Variants in TPRA1 observed in about 807,000 individuals in gnomAD.
TPRA1 encodes the protein transmembrane protein adipocyte associated 1, also known as transmembrane protein adipocyte-associated 1.
A neutral mutation model predicts 40.1 loss-of-function variants in TPRA1; 28 were observed. The observed-to-expected ratio is 0.70, with a 90% confidence interval of 0.52 to 0.96. The LOEUF (loss-of-function observed/expected upper bound fraction) is 0.96. Among genes scored for constraint, TPRA1 ranks in the 40% least tolerant of loss-of-function variants. The pLI, the probability that TPRA1 is intolerant of heterozygous loss-of-function variation, is 0.00. For synonymous variants in TPRA1, 219 were observed against 209.7 expected, an observed-to-expected ratio of 1.04 and a Z score of -0.38; for missense variants, 441 against 482.6, an observed-to-expected ratio of 0.91 and a Z score of 0.81.
intron 1 of TPRA1, among the ~76,000 whole-genome samples, chr3:127,585,847 C>T (rs1466401898): frequency 6.6e-6 from 1 of 152,198 alleles, no homozygotes; most frequent in Non-Finnish European, 1.5e-5. Flanking sequence ...TAATTTCAGC[C>T]AATGGTCTCT....
upstream of TPRA1, among the ~76,000 whole-genome samples, chr3:127,592,486 C>T (rs1033404532): frequency 6.7e-6 from 1 of 149,248 alleles, no homozygotes; most frequent in Non-Finnish European, 1.5e-5. Context: ...CCCGGGTTCA[C>T]GCCATTCTCC....
chr3:127,581,684 G>A (rs931015873), intron 1 of TPRA1, among the ~76,000 whole-genome samples: 2 of 151,598 alleles, frequency 1.3e-5, no homozygotes, highest in African/African-American at 4.9e-5. Flanking sequence ...AGGCCGAGGC[G>A]GGCAGATTGC....
chr3:127,577,799 C>T (rs1020287435), intron 3 of TPRA1, among the ~76,000 whole-genome samples: 11 of 152,188 alleles, frequency 7.2e-5, no homozygotes, highest in African/African-American at 2.2e-4. Flanking sequence ...GGGCCTGGGA[C>T]GCAGCACTGG....
intron 1 of TPRA1, among the ~76,000 whole-genome samples, chr3:127,582,045 G>A (rs748809296): frequency 3.3e-5 from 5 of 152,186 alleles, no homozygotes; most frequent in Admixed American, 2.0e-4. Flanking sequence ...CTGCAGAAAC[G>A]CAACAGGAGC....
chr3:127,573,858 G>A, intron 10 of TPRA1, 70 bp from the exon 11 acceptor site: 1 of 1,495,940 alleles, frequency 6.7e-7, no homozygotes, highest in South Asian at 1.4e-5. Flanking sequence ...TCTCCAGGCT[G>A]ATGGGGCCAC....
intron 1 of TPRA1, among the ~76,000 whole-genome samples, chr3:127,589,765 G>A (rs561631037): frequency 8.5e-5 from 13 of 152,216 alleles, no homozygotes; most frequent in African/African-American, 2.4e-4. Flanking sequence ...TCTCTATCCC[G>A]GGAGTGCTCA....
At position 127,575,257 on chromosome 3, in the gene TPRA1, T is replaced by C; in HGVS notation, c.782A>G (p.Asp261Gly). The C allele has an allele frequency of 3.1e-6, 5 of 1,613,882 alleles. No homozygotes were observed. The highest frequency in any genetic ancestry group is 4.2e-6 in the Non-Finnish European group (5 of 1,179,872). The change falls in exon 10 of 11, where the codon GAT (aspartate) becomes GGT (glycine). Residue 261 changes from aspartate (D) to glycine (G), a missense_variant. Physicochemically the swap from Asp to Gly is moderately conservative, Grantham distance 94. Coordinates refer to ENST00000355552, the MANE Select transcript of TPRA1 (RefSeq NM_001136053.4). ...GCTGAAGTACAGGAAGGTTGTGGCA[T>C]CTACACAGCTGCGGAGAAGGCGGGT... is the stretch of plus-strand genomic sequence containing the variant. ...FDIIEGLCCV[D>G]ATTFLYFSFF...
chr3:127,575,431 G>C lies in TPRA1; in HGVS notation c.745C>G (p.Leu249Val). The change falls in exon 9 of 11, where the codon CTG becomes GTG. Residue 249 changes from leucine to valine, a missense_variant. Physicochemically the swap from Leu to Val is conservative, Grantham distance 32. Transcript: ENST00000355552. The part of the protein sequence containing the change: ...NLLQGLGSVL[L>V]CFDIIEGLCC... Reference sequence around the variant, plus strand: ...AGCCCCTCGATGATGTCGAAGCACAGCAGCACACTCCCCAGCCCCTGCAGT... The same window carrying C: ...AGCCCCTCGATGATGTCGAAGCACACCAGCACACTCCCCAGCCCCTGCAGT... The C allele has an allele frequency of 1.2e-6, 2 of 1,601,274 alleles. No homozygotes were observed. Among genetic ancestry groups the C allele is most frequent in the East Asian group, 4.5e-5 (2 of 44,464 alleles).
intron 1 of TPRA1, among the ~76,000 whole-genome samples, chr3:127,586,306 G>A (rs2073998701): frequency 6.6e-6 from 1 of 152,150 alleles, no homozygotes; most frequent in Admixed American, 6.5e-5. Context: ...TGATGAAGGA[G>A]GGAGATTCTA....
intron 1 of TPRA1, among the ~76,000 whole-genome samples, chr3:127,581,444 T>C (rs1294647812): frequency 6.6e-6 from 1 of 152,046 alleles, no homozygotes; most frequent in Non-Finnish European, 1.5e-5. Context: ...CGTGGAGAAA[T>C]GCAGACAGGG....
Position 127,572,132 on chromosome 3 carries a change from C to G in TPRA1, c.*1389G>C, listed in dbSNP as rs574881454. On this transcript the variant is annotated 3_prime_UTR_variant, in exon 11 of 11. Coordinates refer to ENST00000355552, the MANE Select transcript of TPRA1 (RefSeq NM_001136053.4). ...CACTGGCCGTACTGTTGGCCCTGTC[C>G]GCTATCAACCCTCCAGGCCCTCCCA... Among the ~76,000 whole-genome samples the G allele has an allele frequency of 6.8e-4, 104 of 152,300 alleles. No homozygotes were observed. The highest frequency in any genetic ancestry group is 2.5e-3 in the African/African-American group (104 of 41,560).
intron 1 of TPRA1, among the ~76,000 whole-genome samples, chr3:127,584,447 TAAAAAAAAAAAAAAAAA>T (rs1163065087): frequency 7.2e-3 from 150 of 20,872 alleles, no homozygotes; most frequent in African/African-American, 0.029. Flanking sequence ...AGACCCTGTC[TAAAAAAAAAAAAAAAAA>T]AAAAAAAAAA....
intron 3 of TPRA1, among the ~76,000 whole-genome samples, chr3:127,577,865 C>T (rs1209172038): frequency 6.6e-6 from 1 of 152,208 alleles, no homozygotes; most frequent in Non-Finnish European, 1.5e-5. Context: ...AGGGCATAGG[C>T]CCCAAGGGAG....
upstream of TPRA1, among the ~76,000 whole-genome samples, chr3:127,592,872 C>A (rs1311976284): frequency 6.6e-6 from 1 of 152,238 alleles, no homozygotes; most frequent in Non-Finnish European, 1.5e-5. Flanking sequence ...TGTCTTCCCA[C>A]CACGGTAGGT....
In TPRA1 at chr3:127,572,907, C is replaced by T. The variant is rs1043730955; in HGVS notation, c.*614G>A. Among the ~76,000 whole-genome samples the T allele has an allele frequency of 2.6e-5, 4 of 152,142 alleles. No individual in the cohort carries two copies. The highest frequency in any genetic ancestry group is 9.7e-5 in the African/African-American group (4 of 41,426). ...GGCAGGGGCAGCGGCAGCTGGGATC[C>T]TGTTTCTCTTCACCTCCCCAGCAGC... On this transcript the variant is annotated 3_prime_UTR_variant, in exon 11 of 11. Coordinates refer to ENST00000355552, the MANE Select transcript of TPRA1 (RefSeq NM_001136053.4).
At chr3:127,585,774 C>T (rs2073980823) in intron 1 of TPRA1, among the ~76,000 whole-genome samples, 1 of 152,160 alleles carries the variant, frequency 6.6e-6, no homozygotes, top group African/African-American at 2.4e-5. Flanking sequence ...TGTTCAGGAT[C>T]CCTCCATAAA....
intron 3 of TPRA1, among the ~76,000 whole-genome samples, chr3:127,579,476 T>C (rs2073754695): frequency 6.6e-6 from 1 of 152,162 alleles, no homozygotes; most frequent in South Asian, 2.1e-4. Context: ...ACTGGCACTA[T>C]CAGCAAACAG....
chr3:127,588,361 T>C (rs2107664328), intron 1 of TPRA1, among the ~76,000 whole-genome samples: 1 of 151,980 alleles, frequency 6.6e-6, no homozygotes, highest in Admixed American at 6.5e-5. Context: ...ATGGGGCTGC[T>C]GGCCATACCA....
intron 3 of TPRA1, 128 bp downstream of exon 3, chr3:127,579,612 C>A: frequency 9.3e-7 from 1 of 1,078,984 alleles, no homozygotes. Context: ...AGAAACAGAT[C>A]CTAACGATAT....
Sources: allele counts gnomAD v4.1 joint callset (sites outside exome capture counted in the v4.1 genomes callset), GRCh38; gene constraint gnomAD v4.1.1; transcripts MANE v1.5; gene names NCBI Gene and HGNC (gene_info 2026-07-23, HGNC 2026-07-21).